DEGS1: variants seen among roughly 807,000 people sequenced by gnomAD.
DEGS1 encodes delta 4-desaturase, sphingolipid 1.
A neutral mutation model predicts 24.1 loss-of-function variants in DEGS1; 17 were observed. The ratio of observed to expected loss-of-function variants is 0.70; its 90% CI spans 0.48 to 1.06. The LOEUF (loss-of-function observed/expected upper bound fraction) is 1.06, where lower values mean the gene tolerates loss of function less well. Among genes scored for constraint, DEGS1 ranks in the 50% least tolerant of loss-of-function variants. The pLI, the probability that DEGS1 is intolerant of heterozygous loss-of-function variation, is 0.00. For missense variants in DEGS1, 366 were observed against 408.9 expected (o/e 0.90, Z 0.91); for synonymous variants, 134 against 140.0 (o/e 0.96, Z 0.30).
At chr1:224,184,874 C>T (rs1658337110) in intron 1 of DEGS1, among the ~76,000 whole-genome samples, 1 of 151,728 alleles carries the variant, frequency 6.6e-6, no homozygotes, top group South Asian at 2.1e-4. Flanking sequence ...GTAGCTCAGG[C>T]CTGTAATCCT....
chr1:224,192,508 C>T lies in DEGS1; in HGVS notation c.*30C>T. ...CATTAGTGCCAAAGGGATTCTTCTC[C>T]AAAACTTTAGATGATAAAATGGAAT... is the stretch of plus-strand genomic sequence containing the variant. On this transcript the variant is annotated 3_prime_UTR_variant, in exon 3 of 3. Transcript: ENST00000323699. 1 of 1,589,588 alleles carries T rather than the reference C, an allele frequency of 6.3e-7. No individual in the cohort carries two copies. Among genetic ancestry groups the T allele is most frequent in the Non-Finnish European group, 8.5e-7 (1 of 1,171,936 alleles).
At position 224,190,336 on chromosome 1, in the gene DEGS1, A is replaced by G; in HGVS notation, c.825+17A>G. On this transcript the variant is annotated intron_variant, in intron 2 of 2. Transcript: ENST00000323699. ...CTTCCACTGGTAAGTAAAGGATTTG[A>G]TACATATTCTAATTTTGTTTTTTCA... 6.9e-7 allele frequency: 1 copy of G among 1,452,908 alleles called. No homozygotes were observed. Among genetic ancestry groups the G allele is most frequent in the Non-Finnish European group, 9.1e-7 (1 of 1,102,892 alleles). 90.0% of individuals were successfully genotyped at this position (1,452,908 alleles called of 1,614,324 possible). A position where few individuals can be genotyped will look rare whatever the true frequency, so the allele number is the denominator to read the frequency against.
In DEGS1 at chr1:224,192,414, A is replaced by G; in HGVS notation, c.908A>G (p.Asp303Gly). The G allele has an allele frequency of 6.2e-7, 1 of 1,613,688 alleles. No individual in the cohort carries two copies. Among genetic ancestry groups the G allele is most frequent in the Non-Finnish European group, 8.5e-7 (1 of 1,179,742 alleles). ...AAAGTACTGTATGATTTTGTGATGG[A>G]TGATACAATAAGTCCCTACTCAAGA... ...WIKVLYDFVMDDTISPYSRMK... is the reference protein window; with the variant it reads ...WIKVLYDFVMGDTISPYSRMK... The change falls in exon 3 of 3, where the codon GAT becomes GGT. Residue 303 changes from aspartate to glycine, a missense_variant. Coordinates refer to ENST00000323699, the MANE Select transcript of DEGS1 (RefSeq NM_003676.4).
In DEGS1 at chr1:224,192,560, T is replaced by C; in HGVS notation, c.*82T>C. 7.3e-7 allele frequency: 1 copy of C among 1,370,746 alleles called. No homozygotes were observed. Among genetic ancestry groups the C allele is most frequent in the Admixed American group, 2.4e-5 (1 of 41,110 alleles). The allele number at this position is 1,370,746 out of a possible 1,614,324, so 84.9% of individuals were successfully genotyped here. A position where few individuals can be genotyped will look rare whatever the true frequency, so the allele number is the denominator to read the frequency against. ...TTTGCATTATTAAACTTGAGACCAG[T>C]GATGCTCAGAAGCTCCCCTGGCACA... On this transcript the variant is annotated 3_prime_UTR_variant, in exon 3 of 3. Coordinates refer to ENST00000323699, the MANE Select transcript of DEGS1 (RefSeq NM_003676.4).
At position 224,192,611 on chromosome 1, in the gene DEGS1, C is replaced by A; in HGVS notation, c.*133C>A. ...ATTTCAGAGTAAGAGCTCGGTGATACCAAGAAGTGAATCTGGCTTTTAAAC... is the reference window on the plus strand; with the variant it reads ...ATTTCAGAGTAAGAGCTCGGTGATAACAAGAAGTGAATCTGGCTTTTAAAC... On this transcript the variant is annotated 3_prime_UTR_variant, in exon 3 of 3. Transcript: ENST00000323699. 1 of 792,434 alleles carries A rather than the reference C, an allele frequency of 1.3e-6. No individual in the cohort carries two copies. The highest frequency in any genetic ancestry group is 2.0e-6 in the Non-Finnish European group (1 of 503,030). The allele number at this position is 792,434 out of a possible 1,614,324, so 49.1% of individuals were successfully genotyped here.
At position 224,187,955 on chromosome 1, in the gene DEGS1, A is replaced by ATT. The variant is rs35997275; in HGVS notation, c.83-1608_83-1607dup. 1.3e-3 allele frequency among the ~76,000 whole-genome samples: 198 copies of ATT among 148,400 alleles called. 1 individual carries two copies. Among genetic ancestry groups the ATT allele is most frequent in the Admixed American group, 7.8e-3 (116 of 14,890 alleles). On this transcript the variant is annotated intron_variant, in intron 1 of 2. Transcript: ENST00000323699. ...TTGGCTTTTACTTAGCATAATATAA[A>ATT]TTTTTTTTTTTTTTTAATTTGTAGA...
intron 1 of DEGS1, among the ~76,000 whole-genome samples, chr1:224,185,140 C>T (rs574567329): frequency 3.9e-5 from 6 of 152,276 alleles, no homozygotes; most frequent in East Asian, 1.9e-4. Flanking sequence ...CACAAGCGCA[C>T]ACCACCATGC....
chr1:224,192,556 C>T lies in DEGS1; in HGVS notation c.*78C>T, dbSNP rs978366485. 7.2e-7 allele frequency: 1 copy of T among 1,398,186 alleles called. No individual in the cohort carries two copies. Among genetic ancestry groups the T allele is most frequent in the Non-Finnish European group, 9.8e-7 (1 of 1,023,882 alleles). 86.6% of individuals were successfully genotyped at this position (1,398,186 alleles called of 1,614,324 possible). ...AATTTTTGCATTATTAAACTTGAGA[C>T]CAGTGATGCTCAGAAGCTCCCCTGG... On this transcript the variant is annotated 3_prime_UTR_variant, in exon 3 of 3. Coordinates refer to ENST00000323699, the MANE Select transcript of DEGS1 (RefSeq NM_003676.4).
intron 1 of DEGS1, among the ~76,000 whole-genome samples, chr1:224,187,566 G>C (rs767694185): frequency 2.1e-4 from 32 of 152,220 alleles, no homozygotes; most frequent in Non-Finnish European, 4.0e-4. Context: ...GTTTGCCCAG[G>C]CTGGTCTTGA....
chr1:224,187,245 G>A (rs1275371035), intron 1 of DEGS1, among the ~76,000 whole-genome samples: 1 of 151,756 alleles, frequency 6.6e-6, no homozygotes, highest in East Asian at 1.9e-4. Context: ...GAGGCAGAGG[G>A]TGCAGTGAGC....
At chr1:224,187,343 C>T (rs1336790806) in intron 1 of DEGS1, among the ~76,000 whole-genome samples, 1 of 152,082 alleles carries the variant, frequency 6.6e-6, no homozygotes, top group East Asian at 1.9e-4. Context: ...GAAATGGTTC[C>T]TTCACTGTTA....
chr1:224,191,870 T>TA (rs1372853916), intron 2 of DEGS1, among the ~76,000 whole-genome samples: 5 of 152,094 alleles, frequency 3.3e-5, no homozygotes, highest in Admixed American at 2.6e-4. Flanking sequence ...GTCCTGGGAT[T>TA]ACAGGTATGA....
chr1:224,185,935 T>C (rs978135625), intron 1 of DEGS1, among the ~76,000 whole-genome samples: 6 of 152,130 alleles, frequency 3.9e-5, no homozygotes, highest in South Asian at 4.1e-4. Flanking sequence ...GGTGGCTTTT[T>C]TTTGCCTGTA....
rs1474454624 is a variant in DEGS1, at chr1:224,192,472, G to A, written c.966G>A (p.Leu322=). The change falls in exon 3 of 3, where the codon CTG becomes CTA. Residue 322 remains leucine, a synonymous_variant. Coordinates refer to ENST00000323699, the MANE Select transcript of DEGS1 (RefSeq NM_003676.4). ...GGCACCAAAAAGGAGAGATGGTGCTGGAGTAAATATCATTAGTGCCAAAGG... is the reference window on the plus strand; with the variant it reads ...GGCACCAAAAAGGAGAGATGGTGCTAGAGTAAATATCATTAGTGCCAAAGG... The part of the protein sequence containing the change: ...MKRHQKGEMV[L]E The A allele has an allele frequency of 5.0e-6, 8 of 1,606,238 alleles. No homozygotes were observed. The highest frequency in any genetic ancestry group is 6.8e-6 in the Non-Finnish European group (8 of 1,177,908).
rs183100970 is a variant in DEGS1, at chr1:224,192,297, T to C, written c.826-35T>C. 121 of 1,590,858 alleles carry C rather than the reference T, an allele frequency of 7.6e-5. No individual in the cohort carries two copies. In the African/African-American group the frequency reaches 1.4e-3, roughly 19 times the overall value. ...CATCTTTGAAAGAACCTAGTAACAC[T>C]CATTTTTCATCTTGCTGTATTTTTT... On this transcript the variant is annotated intron_variant, in intron 2 of 2. Coordinates refer to ENST00000323699, the MANE Select transcript of DEGS1 (RefSeq NM_003676.4).
At chr1:224,191,842 C>T (rs1280766975) in intron 2 of DEGS1, among the ~76,000 whole-genome samples, 1 of 151,952 alleles carries the variant, frequency 6.6e-6, no homozygotes, top group East Asian at 1.9e-4. Flanking sequence ...GGTGATCCAC[C>T]CGCCTCGGCT....
intron 1 of DEGS1, among the ~76,000 whole-genome samples, chr1:224,188,563 T>G (rs1379259587): frequency 1.3e-5 from 2 of 152,176 alleles, no homozygotes; most frequent in African/African-American, 2.4e-5. Context: ...TGAGGTGGTA[T>G]CTATGGTTTC....
intron 1 of DEGS1, among the ~76,000 whole-genome samples, chr1:224,188,467 T>A (rs1044687551): frequency 6.6e-6 from 1 of 152,202 alleles, no homozygotes; most frequent in Admixed American, 6.5e-5. Flanking sequence ...CCATTTTATA[T>A]TCCCACTAGC....
At chr1:224,186,003 C>T (rs989456494) in intron 1 of DEGS1, among the ~76,000 whole-genome samples, 14 of 152,120 alleles carry the variant, frequency 9.2e-5, no homozygotes, top group African/African-American at 3.1e-4. Flanking sequence ...TTCAGAACAG[C>T]CCCATCTGCA....
Sources: gnomAD v4.1 joint callset for allele counts (sites outside exome capture counted in the v4.1 genomes callset) on GRCh38, gnomAD v4.1.1 for gene constraint, MANE v1.5 for transcripts, NCBI Gene and HGNC (gene_info 2026-07-23, HGNC 2026-07-21) for gene names.